Variants in TASP1 observed in about 807,000 individuals in gnomAD.
The protein encoded by TASP1 is taspase 1.
TASP1 carries 16 observed loss-of-function variants against 56.6 expected under a neutral mutation model. That is an observed-to-expected ratio of 0.28 (90% confidence interval 0.19 to 0.43). The LOEUF is 0.43. TASP1 is among the 20% of genes least tolerant of loss of function. The pLI is 1.00. For missense variants in TASP1, 393 were observed against 511.6 expected, an observed-to-expected ratio of 0.77 and a Z score of 2.24; for synonymous variants, 179 against 184.2, an observed-to-expected ratio of 0.97 and a Z score of 0.23.
chr20:13,392,520 C>T (rs1388301890), intron 13 of TASP1, among the ~76,000 whole-genome samples: 2 of 152,190 alleles, frequency 1.3e-5, no homozygotes, highest in Non-Finnish European at 2.9e-5. Context: ...ATGTGTTTCA[C>T]ACAGAAGCAT....
At chr20:13,634,501 G>A (rs772416039) in intron 1 of TASP1, among the ~76,000 whole-genome samples, 9 of 152,044 alleles carry the variant, frequency 5.9e-5, no homozygotes, top group Admixed American at 3.3e-4. Flanking sequence ...AGGTCAAGGC[G>A]GGTGGATCAC....
At chr20:13,328,421 C>T in the TASP1 span, among the ~76,000 whole-genome samples, 25 of 152,220 alleles carry the variant, frequency 1.6e-4, no homozygotes, top group Non-Finnish European at 2.8e-4. Context: ...TATGTAGAGG[C>T]AGAAATATCA....
intron 1 of TASP1, 36 bp from the exon 2 acceptor site, chr20:13,630,188 TTC>T: frequency 8.7e-7 from 1 of 1,146,648 alleles, no homozygotes; most frequent in Non-Finnish European, 1.2e-6. Context: ...ATACATTTCT[TTC>T]CACCAACACA....
At chr20:13,270,383 C>G in the TASP1 span, 1 of 1,111,334 alleles carries the variant, frequency 9.0e-7, no homozygotes, top group East Asian at 2.6e-5. Flanking sequence ...TTTGGAATGC[C>G]CTACTGGCTT....
At chr20:13,108,677 C>A in the TASP1 span, among the ~76,000 whole-genome samples, 3 of 152,188 alleles carry the variant, frequency 2.0e-5, no homozygotes, top group South Asian at 6.2e-4. Flanking sequence ...TGGGTTCAAG[C>A]AATTCTCCTG....
At chr20:13,482,869 GA>G (rs1156622775) in intron 11 of TASP1, among the ~76,000 whole-genome samples, 3 of 152,096 alleles carry the variant, frequency 2.0e-5, no homozygotes, top group Non-Finnish European at 4.4e-5. Flanking sequence ...ACCTTTTTCT[GA>G]AAAATCACTA....
intron 13 of TASP1, among the ~76,000 whole-genome samples, chr20:13,399,899 C>T (rs988727043): frequency 3.9e-5 from 6 of 152,202 alleles, no homozygotes; most frequent in East Asian, 1.9e-4. Context: ...CCCTCCAACA[C>T]ACCAGGCACA....
At chr20:13,327,267 C>T in the TASP1 span, among the ~76,000 whole-genome samples, 1 of 152,010 alleles carries the variant, frequency 6.6e-6, no homozygotes, top group Non-Finnish European at 1.5e-5. Flanking sequence ...AAGTGAAGAA[C>T]CTCTTCAAGG....
At chr20:13,514,933 C>T (rs1444890333) in intron 10 of TASP1, among the ~76,000 whole-genome samples, 1 of 152,162 alleles carries the variant, frequency 6.6e-6, no homozygotes, top group Non-Finnish European at 1.5e-5. Flanking sequence ...ACTGTTTCTA[C>T]ATTTTACATT....
chr20:13,627,733 T>TAAAAAAAAAA lies in TASP1; in HGVS notation c.145+2191_145+2200dup, dbSNP rs35542097. On this transcript the variant is annotated intron_variant, in intron 2 of 13. Transcript: ENST00000337743. The stretch of plus-strand genomic sequence containing the variant: ...GGGCAACAAGAGCGAAACTTAGTCT[T>TAAAAAAAAAA]AAAAAAAAAAAAAAAAGTTGAGCCA... 2.4e-4 allele frequency among the ~76,000 whole-genome samples: 29 copies of TAAAAAAAAAA among 119,522 alleles called. 2 individuals are homozygous for TAAAAAAAAAA. Among genetic ancestry groups the TAAAAAAAAAA allele is most frequent in the African/African-American group, 6.7e-4 (17 of 25,288 alleles). 78.4% of individuals were successfully genotyped at this position (119,522 alleles called of 152,430 possible).
the TASP1 span, among the ~76,000 whole-genome samples, chr20:13,273,996 T>C: frequency 6.6e-6 from 1 of 152,120 alleles, no homozygotes; most frequent in Non-Finnish European, 1.5e-5. Flanking sequence ...CTCAGAAAGA[T>C]GTTCAAAGAA....
chr20:13,290,643 G>A, the TASP1 span, among the ~76,000 whole-genome samples: 1 of 152,110 alleles, frequency 6.6e-6, no homozygotes, highest in Non-Finnish European at 1.5e-5. Flanking sequence ...GGGCGACAGA[G>A]CAAGACTCCG....
chr20:13,575,227 T>C (rs2046856879), intron 6 of TASP1, among the ~76,000 whole-genome samples: 1 of 152,320 alleles, frequency 6.6e-6, no homozygotes, highest in South Asian at 2.1e-4. Flanking sequence ...ATCATCTCAA[T>C]AGATGCAGCA....
chr20:13,555,895 AT>A (rs1365029375), intron 8 of TASP1, among the ~76,000 whole-genome samples: 1 of 152,162 alleles, frequency 6.6e-6, no homozygotes, highest in Non-Finnish European at 1.5e-5. Flanking sequence ...AGCAAGCATA[AT>A]GAGGATCTTG....
chr20:13,375,741 A>T, the TASP1 span, among the ~76,000 whole-genome samples: 1 of 152,198 alleles, frequency 6.6e-6, no homozygotes, highest in East Asian at 1.9e-4. Context: ...TTTCTCCAGC[A>T]TCTGTTGTTT....
At chr20:13,236,543 CTTAA>C in the TASP1 span, among the ~76,000 whole-genome samples, 2 of 152,166 alleles carry the variant, frequency 1.3e-5, no homozygotes, top group African/African-American at 4.8e-5. Context: ...CCCCCAAAGG[CTTAA>C]TTTATTTCAG....
At chr20:13,492,962 A>G (rs1252664059) in intron 10 of TASP1, among the ~76,000 whole-genome samples, 9 of 152,192 alleles carry the variant, frequency 5.9e-5, no homozygotes, top group Non-Finnish European at 1.5e-5. Context: ...GACATATAGT[A>G]CATATACTAA....
downstream of TASP1, chr20:13,389,315 C>A (rs1003435390): frequency 1.3e-5 from 2 of 152,116 alleles, no homozygotes; most frequent in African/African-American, 4.8e-5. Flanking sequence ...TTGGAACAAT[C>A]AGAACAACAG....
At chr20:13,276,680 TGC>T in the TASP1 span, among the ~76,000 whole-genome samples, 3 of 96,792 alleles carry the variant, frequency 3.1e-5, no homozygotes, top group African/African-American at 1.8e-4. Context: ...TGGAAATCTG[TGC>T]TCACTCCACA....
Sources: gnomAD v4.1 joint callset for allele counts (sites outside exome capture counted in the v4.1 genomes callset) on GRCh38, gnomAD v4.1.1 for gene constraint, MANE v1.5 for transcripts, NCBI Gene and HGNC (gene_info 2026-07-23, HGNC 2026-07-21) for gene names.